Variants in TMEM87A observed in about 807,000 individuals in gnomAD.
TMEM87A encodes transmembrane protein 87A.
TMEM87A carries 50 observed loss-of-function variants against 90.0 expected under a neutral mutation model. That is an observed-to-expected ratio of 0.56 (90% confidence interval 0.44 to 0.70). TMEM87A has a LOEUF of 0.70. Ranked by LOEUF, TMEM87A falls within the 30% of genes least tolerant of loss-of-function variation. The pLI is 0.00. For missense variants in TMEM87A, 577 were observed against 660.5 expected, an observed-to-expected ratio of 0.87 and a Z score of 1.39; for synonymous variants, 226 against 226.7, an observed-to-expected ratio of 1.00 and a Z score of 0.03.
intron 6 of TMEM87A, among the ~76,000 whole-genome samples, chr15:42,248,737 A>G (rs1312297878): frequency 6.6e-6 from 1 of 152,110 alleles, no homozygotes; most frequent in Non-Finnish European, 1.5e-5. Flanking sequence ...TAGTGGTCTA[A>G]AATTCTCTTT....
intron 15 of TMEM87A, among the ~76,000 whole-genome samples, chr15:42,223,348 G>A (rs1348290235): frequency 6.6e-6 from 1 of 152,092 alleles, no homozygotes; most frequent in Non-Finnish European, 1.5e-5. Flanking sequence ...GGCCAAGGTT[G>A]CTCCACTACA....
In TMEM87A at chr15:42,251,222, C is replaced by A. The variant is rs1010261462; in HGVS notation, c.505-7055G>T. Among the ~76,000 whole-genome samples, 6 of 152,084 alleles carry A rather than the reference C, an allele frequency of 3.9e-5. No homozygotes were observed. The East Asian group carries it at 1.2e-3, about 29-fold the overall frequency. On this transcript the variant is annotated intron_variant, in intron 6 of 19. Transcript: ENST00000389834. The stretch of plus-strand genomic sequence containing the variant: ...GCTCAGAGAGGTTTGTTATTACCAA[C>A]CTTCTGAAGCCTACTTCTGTCAACT...
chr15:42,218,172 C>T (rs2050413253), intron 18 of TMEM87A, 151 bp downstream of exon 18: 1 of 800,130 alleles, frequency 1.2e-6, no homozygotes, highest in Admixed American at 2.8e-5. Context: ...AATGAATAAA[C>T]CCAATTAATT....
chr15:42,244,814 T>A (rs1470215086), intron 6 of TMEM87A, among the ~76,000 whole-genome samples: 3 of 149,496 alleles, frequency 2.0e-5, no homozygotes, highest in Non-Finnish European at 4.5e-5. Context: ...AACAGAAGAC[T>A]AAGACACAAT....
intron 1 of TMEM87A, 159 bp downstream of exon 1, chr15:42,273,096 C>T: frequency 2.3e-6 from 2 of 881,966 alleles, no homozygotes; most frequent in South Asian, 1.6e-5. Flanking sequence ...CGGCTTTCCA[C>T]TCCAGGGAGG....
chr15:42,250,780 G>A (rs1294828664), intron 6 of TMEM87A, among the ~76,000 whole-genome samples: 1 of 151,972 alleles, frequency 6.6e-6, no homozygotes, highest in Admixed American at 6.6e-5. Context: ...TTTGAATGTT[G>A]GCCTACCTTG....
chr15:42,262,113 G>A (rs1371599769), intron 4 of TMEM87A: 1 of 152,168 alleles, frequency 6.6e-6, no homozygotes, highest in Non-Finnish European at 1.5e-5. Context: ...AGGAGGAGAG[G>A]AAACCTTACC....
chr15:42,251,067 C>T (rs550837950), intron 6 of TMEM87A, among the ~76,000 whole-genome samples: 133 of 152,252 alleles, frequency 8.7e-4, no homozygotes, highest in African/African-American at 2.8e-3. Context: ...ACATAGTTCT[C>T]GTGCCATGGT....
Position 42,233,273 on chromosome 15 carries a change from T to A in TMEM87A, c.1002A>T (p.Val334=). The A allele has an allele frequency of 6.2e-7, 1 of 1,614,036 alleles. No individual in the cohort carries two copies. Among genetic ancestry groups the A allele is most frequent in the Non-Finnish European group, 8.5e-7 (1 of 1,179,988 alleles). Residue 334 remains valine (V), a synonymous_variant, in exon 11 of 20, where the codon GTA becomes GTT. Coordinates refer to ENST00000389834, the MANE Select transcript of TMEM87A (RefSeq NM_015497.5). ...PRLGVTLHKV[V]VAGALYLLFS... Reference sequence around the variant, plus strand: ...ACAAAAGATAGAGGGCTCCTGCTACTACAACCTTATGAAGAGTGACTCCAA... The same window carrying A: ...ACAAAAGATAGAGGGCTCCTGCTACAACAACCTTATGAAGAGTGACTCCAA...
At chr15:42,236,804 T>C (rs991902049) in intron 9 of TMEM87A, among the ~76,000 whole-genome samples, 3 of 152,262 alleles carry the variant, frequency 2.0e-5, no homozygotes, top group Admixed American at 2.0e-4. Context: ...TGTTGGCATG[T>C]ACAGCTTAAC....
At chr15:42,254,509 TA>T (rs1292197601) in intron 6 of TMEM87A, among the ~76,000 whole-genome samples, 6 of 152,218 alleles carry the variant, frequency 3.9e-5, no homozygotes, top group Non-Finnish European at 8.8e-5. Flanking sequence ...AACAATGGAA[TA>T]TGATTCAGCA....
At chr15:42,263,948 C>T (rs2051346695) in intron 4 of TMEM87A, 142 bp downstream of exon 4, 13 of 609,732 alleles carry the variant, frequency 2.1e-5, no homozygotes, top group Non-Finnish European at 1.2e-5. Context: ...GTATAAGTGG[C>T]TGACTATGTA....
At chr15:42,230,211 AT>A (rs1190186392) in intron 12 of TMEM87A, among the ~76,000 whole-genome samples, 1 of 152,178 alleles carries the variant, frequency 6.6e-6, no homozygotes, top group Non-Finnish European at 1.5e-5. Flanking sequence ...TTACCTAGTC[AT>A]TGGGTTATCT....
In TMEM87A at chr15:42,218,325, ATCTG is replaced by A; in HGVS notation, c.1589_1592del (p.Thr530MetfsTer2). 6.2e-7 allele frequency: 1 copy of A among 1,613,686 alleles called. No individual in the cohort carries two copies. Among genetic ancestry groups the A allele is most frequent in the Non-Finnish European group, 8.5e-7 (1 of 1,179,748 alleles). Reference sequence around the variant, plus strand: ...GTGGTAATCATTCAAAAACTTACACATCTGTCACAGAAGAAGGAACATTCTCTTC... The same window carrying A: ...GTGGTAATCATTCAAAAACTTACACATCACAGAAGAAGGAACATTCTCTTC... On this transcript the variant is annotated frameshift_variant, in exon 18 of 20. Transcript: ENST00000389834. LOFTEE classifies it high-confidence loss of function.
chr15:42,229,472 A>T (rs1302583899), intron 12 of TMEM87A, among the ~76,000 whole-genome samples: 2 of 152,134 alleles, frequency 1.3e-5, no homozygotes, highest in Non-Finnish European at 2.9e-5. Flanking sequence ...AGATAAAGTG[A>T]ACATGAGTAA....
intron 6 of TMEM87A, among the ~76,000 whole-genome samples, chr15:42,253,521 G>T (rs1171628271): frequency 6.6e-6 from 1 of 152,114 alleles, no homozygotes; most frequent in East Asian, 1.9e-4. Context: ...GTTAAGTCCT[G>T]GCAAGGTTCC....
At chr15:42,263,244 G>A (rs2051331987) in intron 4 of TMEM87A, among the ~76,000 whole-genome samples, 1 of 152,094 alleles carries the variant, frequency 6.6e-6, no homozygotes, top group Admixed American at 6.6e-5. Flanking sequence ...TTCTGATAAC[G>A]CTATAACATG....
At chr15:42,251,195 T>TA (rs2051078492) in intron 6 of TMEM87A, among the ~76,000 whole-genome samples, 1 of 152,232 alleles carries the variant, frequency 6.6e-6, no homozygotes, top group South Asian at 2.1e-4. Flanking sequence ...CATCCTCCTT[T>TA]AGCTCAGAGA....
At chr15:42,273,226 G>A (rs760253720) in intron 1 of TMEM87A, 29 bp downstream of exon 1, 29 of 1,612,970 alleles carry the variant, frequency 1.8e-5, no homozygotes, top group Admixed American at 1.7e-4. Flanking sequence ...GCTCCTCTAG[G>A]TTCAGACGTT....
Sources: gnomAD v4.1 joint callset for allele counts (sites outside exome capture counted in the v4.1 genomes callset) on GRCh38, gnomAD v4.1.1 for gene constraint, MANE v1.5 for transcripts, NCBI Gene and HGNC (gene_info 2026-07-23, HGNC 2026-07-21) for gene names.